Variants in SUMF2 observed in about 807,000 individuals in gnomAD.
The protein encoded by SUMF2 is inactive C-alpha-formylglycine-generating enzyme 2.
A neutral mutation model predicts 44.8 loss-of-function variants in SUMF2; 45 were observed. The observed-to-expected ratio is 1.00, with a 90% CI of 0.79 to 1.29. The LOEUF (loss-of-function observed/expected upper bound fraction) is 1.29. Ranked by LOEUF, SUMF2 falls within the 50% of genes most tolerant of loss-of-function variation. The pLI is 0.00. For synonymous variants in SUMF2, 148 were observed against 150.4 expected (o/e 0.98, Z 0.12); for missense variants, 418 against 389.9 (o/e 1.07, Z -0.61).
intron 3 of SUMF2, 108 bp from the exon 4 acceptor site, chr7:56,074,066 C>T: frequency 1.2e-6 from 1 of 832,146 alleles, no homozygotes; most frequent in Non-Finnish European, 2.1e-6. Context: ...CTCACTTAGA[C>T]CACCTGAGTC....
At chr7:56,083,553 C>T, downstream of SUMF2, 7 of 1,501,522 alleles carry the variant, frequency 4.7e-6, no homozygotes, top group Non-Finnish European at 6.5e-6. Context: ...ACACGCCCAG[C>T]CCAGACATGT....
intron 2 of SUMF2, among the ~76,000 whole-genome samples, chr7:56,071,929 G>A (rs1278489994): frequency 6.6e-6 from 1 of 151,700 alleles, no homozygotes; most frequent in Non-Finnish European, 1.5e-5. Context: ...GGCCAACATG[G>A]TGAAACCCGT....
In SUMF2 at chr7:56,073,375, G is replaced by A. The variant is rs548258803; in HGVS notation, c.339+264G>A. The stretch of plus-strand genomic sequence containing the variant: ...AATCAAGAGATCACCTTGGTGGGCC[G>A]AGCGTGGTGTCTCATGCCTATAATC... On this transcript the variant is annotated intron_variant, in intron 3 of 8. Coordinates refer to ENST00000434526, the MANE Select transcript of SUMF2 (RefSeq NM_015411.4). The A allele has an allele frequency of 1.3e-4, 61 of 482,670 alleles. 2 individuals are homozygous for A. The highest frequency in any genetic ancestry group is 1.1e-3 in the South Asian group (59 of 51,826). 29.9% of individuals were successfully genotyped at this position (482,670 alleles called of 1,614,324 possible).
chr7:56,064,331 C>A lies in SUMF2; in HGVS notation c.20C>A (p.Pro7Gln). MARHGL[P>Q]LLPLLSLLVG... ...GTCCTGATGGCCCGGCATGGGTTAC[C>A]GCTGCTGCCCCTGCTGTCGCTCCTG... is the stretch of plus-strand genomic sequence containing the variant. Residue 7 changes from proline to glutamine, a missense_variant, in exon 1 of 9, where the codon CCG becomes CAG. Coordinates refer to ENST00000434526, the MANE Select transcript of SUMF2 (RefSeq NM_015411.4). 1.9e-6 allele frequency: 3 copies of A among 1,599,752 alleles called. No homozygotes were observed. The highest frequency in any genetic ancestry group is 2.6e-6 in the Non-Finnish European group (3 of 1,173,716).
chr7:56,066,718 G>T (rs747758933), intron 1 of SUMF2, among the ~76,000 whole-genome samples: 1 of 152,128 alleles, frequency 6.6e-6, no homozygotes, highest in Non-Finnish European at 1.5e-5. Context: ...CCTCCCGGGT[G>T]CAAGCGATTC....
chr7:56,073,648 GAA>G (rs922599820), intron 3 of SUMF2: 2 of 150,254 alleles, frequency 1.3e-5, no homozygotes, highest in East Asian at 1.8e-4. Context: ...TGTCTCAAAA[GAA>G]AAAAAAAAAG....
At chr7:56,082,064 C>T (rs1263107257), downstream of SUMF2, 1 of 1,610,148 alleles carries the variant, frequency 6.2e-7, no homozygotes, top group East Asian at 2.2e-5. Context: ...TGCGAGGGCC[C>T]AGGGCCACTT....
In SUMF2 at chr7:56,079,676, A is replaced by T. The variant is rs1193983431; in HGVS notation, c.*64A>T. On this transcript the variant is annotated 3_prime_UTR_variant, in exon 9 of 9. Transcript: ENST00000434526. ...CACTGTCATTCCCTGGCCATGTTGC[A>T]AACAGCGCAATTCCAAGCTCGAGAG... The T allele has an allele frequency of 1.9e-6, 3 of 1,614,032 alleles. No homozygotes were observed. The highest frequency in any genetic ancestry group is 1.6e-4 in the Middle Eastern group (1 of 6,062).
At chr7:56,083,550 C>T, downstream of SUMF2, 1 of 1,504,288 alleles carries the variant, frequency 6.6e-7, no homozygotes, top group Non-Finnish European at 9.2e-7. Flanking sequence ...CACACACGCC[C>T]AGCCCAGACA....
intron 5 of SUMF2, 62 bp from the exon 6 acceptor site, chr7:56,076,772 C>CT: frequency 1.4e-6 from 2 of 1,465,896 alleles, no homozygotes; most frequent in East Asian, 2.4e-5. Flanking sequence ...TTTCTGTGTT[C>CT]TTTTTTCCTT....
chr7:56,066,343 T>C (rs1419308852), intron 1 of SUMF2, among the ~76,000 whole-genome samples: 5 of 152,218 alleles, frequency 3.3e-5, no homozygotes, highest in Non-Finnish European at 7.3e-5. Flanking sequence ...CTAAATCTAG[T>C]CCTGTCTCCT....
Position 56,076,947 on chromosome 7 carries a change from C to A in SUMF2, c.591+58C>A, listed in dbSNP as rs1056971974. On this transcript the variant is annotated intron_variant, in intron 6 of 8. Transcript: ENST00000434526. ...TGACAGAGACCTGCTGGAGGCTGGG[C>A]ACTGTGTTGTTAGGCCGCGGCATCC... is the stretch of plus-strand genomic sequence containing the variant. 48 of 1,541,342 alleles carry A rather than the reference C, an allele frequency of 3.1e-5. No homozygotes were observed. In the Admixed American group the frequency reaches 8.6e-4, roughly 28 times the overall value.
At chr7:56,064,541 C>T (rs1198094583) in intron 1 of SUMF2, among the ~76,000 whole-genome samples, 163 bp downstream of exon 1, 2 of 152,088 alleles carry the variant, frequency 1.3e-5, no homozygotes, top group Admixed American at 6.6e-5. Context: ...CCGCCTTATA[C>T]TTTTCAACTT....
At chr7:56,086,757 G>A in the SUMF2 span, 1 of 570,312 alleles carries the variant, frequency 1.8e-6, no homozygotes, top group Admixed American at 3.1e-5. Flanking sequence ...AGAAAACCAA[G>A]ATTTAAAGAA....
At chr7:56,087,458 G>C in the SUMF2 span, 1 of 743,004 alleles carries the variant, frequency 1.3e-6, no homozygotes, top group Non-Finnish European at 2.2e-6. Flanking sequence ...CCTTCTATCA[G>C]AGCAGTGAGG....
At chr7:56,073,977 T>C (rs1361371480) in intron 3 of SUMF2, 197 bp from the exon 4 acceptor site, 1 of 586,820 alleles carries the variant, frequency 1.7e-6, no homozygotes, top group Admixed American at 3.3e-5. Context: ...ATGGTGCCAC[T>C]GCACTCTAGC....
At chr7:56,084,345 A>G (rs1376103624), downstream of SUMF2, 2 of 624,778 alleles carry the variant, frequency 3.2e-6, no homozygotes, top group African/African-American at 3.8e-5. Context: ...CCCCAGACCC[A>G]GATCAGAAGG....
At chr7:56,071,168 A>G (rs2117428413) in intron 2 of SUMF2, among the ~76,000 whole-genome samples, 1 of 151,978 alleles carries the variant, frequency 6.6e-6, no homozygotes, top group South Asian at 2.1e-4. Context: ...GAATTTTTAG[A>G]CCAGCCTGGG....
At chr7:56,077,166 T>A (rs142374985) in intron 6 of SUMF2, among the ~76,000 whole-genome samples, 5,594 of 150,824 alleles carry the variant, frequency 0.037, 193 homozygotes, top group East Asian at 0.16. Flanking sequence ...CCTGCCCCAG[T>A]CTCCCAAGTA....
Sources: gnomAD v4.1 joint callset for allele counts (sites outside exome capture counted in the v4.1 genomes callset) on GRCh38, gnomAD v4.1.1 for gene constraint, MANE v1.5 for transcripts, NCBI Gene and HGNC (gene_info 2026-07-23, HGNC 2026-07-21) for gene names.